TSR1: variants seen among roughly 807,000 people sequenced by gnomAD.
TSR1 encodes pre-rRNA-processing protein TSR1 homolog.
TSR1 carries 81 observed loss-of-function variants against 90.9 expected under a neutral mutation model. The observed-to-expected ratio is 0.89, with a 90% CI of 0.74 to 1.07. The LOEUF is 1.07. TSR1 is among the 50% of genes least tolerant of loss of function. The pLI is 0.00. For synonymous variants in TSR1, 362 were observed against 348.8 expected (o/e 1.04, Z -0.42); for missense variants, 989 against 987.3 (o/e 1.00, Z -0.02).
chr17:2,335,679 C>T lies in TSR1; in HGVS notation c.253G>A (p.Val85Ile). The T allele has an allele frequency of 2.5e-6, 4 of 1,614,066 alleles. No homozygotes were observed. Among genetic ancestry groups the T allele is most frequent in the Middle Eastern group, 1.7e-4 (1 of 5,980 alleles). Residue 85 changes from valine (V) to isoleucine (I), a missense_variant, in exon 3 of 15, where the codon GTA becomes ATA. Val to Ile is a conservative substitution (Grantham distance 29). Coordinates refer to ENST00000301364, the MANE Select transcript of TSR1 (RefSeq NM_018128.5). ...CTGCTGTGCAGGGGCACCACCAGTACCTGATGAGGAGGGCCATCCTTGCCA... is the reference window on the plus strand; with the variant it reads ...CTGCTGTGCAGGGGCACCACCAGTATCTGATGAGGAGGGCCATCCTTGCCA... Reference protein sequence around the residue: ...LGGKDGPPHQVLVVPLHSRIS... With the variant: ...LGGKDGPPHQILVVPLHSRIS...
chr17:2,330,139 G>C, intron 10 of TSR1: 1 of 412,758 alleles, frequency 2.4e-6, no homozygotes, highest in Non-Finnish European at 4.8e-6. Context: ...GGCTGGTCTC[G>C]AACTCCCGAC....
At position 2,333,424 on chromosome 17, in the gene TSR1, C is replaced by T. The variant is rs1567784771; in HGVS notation, c.1141+133G>A. ...ATGTTTGTTTATTGAAAACATACAGCATTTGAGGGTGAGGAGAGACTTTCA... is the reference window on the plus strand; with the variant it reads ...ATGTTTGTTTATTGAAAACATACAGTATTTGAGGGTGAGGAGAGACTTTCA... On this transcript the variant is annotated intron_variant, in intron 6 of 14. Coordinates refer to ENST00000301364, the MANE Select transcript of TSR1 (RefSeq NM_018128.5). 25 of 1,068,504 alleles carry T rather than the reference C, an allele frequency of 2.3e-5. 1 individual carries two copies. Among genetic ancestry groups the T allele is most frequent in the Non-Finnish European group, 3.0e-5 (21 of 703,680 alleles). 66.2% of individuals were successfully genotyped at this position (1,068,504 alleles called of 1,614,324 possible).
intron 8 of TSR1, 44 bp downstream of exon 8, chr17:2,332,125 C>T (rs910196154): frequency 1.2e-5 from 19 of 1,589,256 alleles, no homozygotes; most frequent in South Asian, 7.0e-5. Flanking sequence ...TTTTTAAAAA[C>T]GTATTGACTG....
At chr17:2,332,939 G>A in intron 7 of TSR1, 22 bp downstream of exon 7, 1 of 1,609,512 alleles carries the variant, frequency 6.2e-7, no homozygotes, top group Non-Finnish European at 8.5e-7. Context: ...CACAGAATTG[G>A]CCTAAGGCCT....
chr17:2,324,945 C>A, intron 12 of TSR1, 116 bp from the exon 13 acceptor site: 2 of 1,173,624 alleles, frequency 1.7e-6, no homozygotes, highest in Non-Finnish European at 2.3e-6. Flanking sequence ...TGCCCTAGCC[C>A]AATCTGAGGC....
At chr17:2,327,416 CA>C (rs770269783) in intron 11 of TSR1, among the ~76,000 whole-genome samples, 15,908 of 126,570 alleles carry the variant, frequency 0.13, 1,321 homozygotes, top group East Asian at 0.52. Context: ...GACTCTATAT[CA>C]AAAAAAAAAA....
rs762623277 is a variant in TSR1 at position 2,332,249 on chromosome 17, C to T, written c.1416G>A (p.Leu472=). ...KVDEEAEAKM[L]EKYKQERLEE... ...CCAGTCTTTCTTGTTTATATTTCTCCAACATTTTTGCCTCAGCTTCTTCAT... is the reference window on the plus strand; with the variant it reads ...CCAGTCTTTCTTGTTTATATTTCTCTAACATTTTTGCCTCAGCTTCTTCAT... Residue 472 remains leucine, a synonymous_variant, in exon 8 of 15, where the codon TTG becomes TTA. Transcript: ENST00000301364. The T allele has an allele frequency of 1.9e-6, 3 of 1,614,076 alleles. No homozygotes were observed. The highest frequency in any genetic ancestry group is 2.5e-6 in the Non-Finnish European group (3 of 1,180,014).
Position 2,324,219 on chromosome 17 carries a change from CTGT to C in TSR1, c.2389_2391del (p.Thr797del), listed in dbSNP as rs755563832. The C allele has an allele frequency of 2.0e-6, 3 of 1,525,580 alleles. No homozygotes were observed. The African/African-American group carries it at 4.2e-5, about 21-fold the overall frequency. 94.5% of individuals were successfully genotyped at this position (1,525,580 alleles called of 1,614,324 possible). A position where few individuals can be genotyped will look rare whatever the true frequency, so the allele number is the denominator to read the frequency against. On this transcript the variant is annotated inframe_deletion, in exon 15 of 15. Coordinates refer to ENST00000301364, the MANE Select transcript of TSR1 (RefSeq NM_018128.5). ...CATTACTCCATGCCCCCTTGAGGCA[CTGT>C]TGAAGAAATCTCACTTTTCAGCCAG... is the stretch of plus-strand genomic sequence containing the variant.
In TSR1 at chr17:2,334,613, C is replaced by G. The variant is rs1330977382; in HGVS notation, c.840G>C (p.Gly280=). 1 of 1,613,998 alleles carries G rather than the reference C, an allele frequency of 6.2e-7. No individual in the cohort carries two copies. The highest frequency in any genetic ancestry group is 8.5e-7 in the Non-Finnish European group (1 of 1,180,044). ...GCAACCTATTGACATTCAGAGTCTG[C>G]CCTCGAACATAGCCTGAAATTTTCA... ...GTLKISGYVR[G]QTLNVNRLLH... is the part of the protein sequence containing the mutation. Residue 280 remains glycine (G), a synonymous_variant, in exon 5 of 15, where the codon GGG becomes GGC. Coordinates refer to ENST00000301364, the MANE Select transcript of TSR1 (RefSeq NM_018128.5).
chr17:2,333,381 G>A, intron 6 of TSR1, 176 bp downstream of exon 6: 2 of 921,870 alleles, frequency 2.2e-6, no homozygotes, highest in South Asian at 1.4e-5. Context: ...TTTGAGAAAT[G>A]GAACAAGACT....
chr17:2,328,437 A>G (rs1372778160), intron 11 of TSR1, among the ~76,000 whole-genome samples: 2 of 151,740 alleles, frequency 1.3e-5, no homozygotes, highest in Non-Finnish European at 2.9e-5. Flanking sequence ...TACAAAAATT[A>G]GCTGGGCATG....
Position 2,332,329 on chromosome 17 carries a change from C to T in TSR1, c.1336G>A (p.Glu446Lys). 1 of 1,605,602 alleles carries T rather than the reference C, an allele frequency of 6.2e-7. No homozygotes were observed. Among genetic ancestry groups the T allele is most frequent in the East Asian group, 2.2e-5 (1 of 44,750 alleles). Residue 446 changes from glutamate to lysine, a missense_variant, in exon 8 of 15, where the codon GAA (glutamate) becomes AAA (lysine). Transcript: ENST00000301364. ...ACAGACTCCCCAATAGTCATAGTTT[C>T]ATATTCTTCCTCTTCTTCACTACTC... ...DESSEEEEEY[E>K]TMTIGESVHD... is the part of the protein sequence containing the mutation.
intron 11 of TSR1, among the ~76,000 whole-genome samples, chr17:2,327,086 C>A (rs2075579985): frequency 6.6e-6 from 1 of 151,200 alleles, no homozygotes; most frequent in African/African-American, 2.4e-5. Flanking sequence ...GCCTGGGCAA[C>A]AAGAGTGAAA....
At position 2,323,580 on chromosome 17, in the gene TSR1, A is replaced by G. The variant is rs2151438129; in HGVS notation, c.*616T>C. ...ATAAGAAAATTCAAACTGGACACGT[A>G]TTCTCATCTGAACTTTATAGGTAAA... On this transcript the variant is annotated 3_prime_UTR_variant, in exon 15 of 15. Transcript: ENST00000301364. The G allele has an allele frequency of 1.4e-6, 2 of 1,469,196 alleles. No individual in the cohort carries two copies. The highest frequency in any genetic ancestry group is 1.9e-6 in the Non-Finnish European group (2 of 1,054,192). The allele number at this position is 1,469,196 out of a possible 1,614,324, so 91.0% of individuals were successfully genotyped here. A position where few individuals can be genotyped will look rare whatever the true frequency, so the allele number is the denominator to read the frequency against.
rs2064084736 is a variant in TSR1, at chr17:2,336,412, G to T, written c.16C>A (p.Pro6Thr). MAAHR[P>T]GPLKQQNKAH... ...TTATTCTGCTGCTTGAGCGGGCCGG[G>T]GCGGTGGGCCGCCATGCCGCAGCGC... is the stretch of plus-strand genomic sequence containing the variant. Residue 6 changes from proline to threonine, a missense_variant, in exon 1 of 15, where the codon CCC becomes ACC. Transcript: ENST00000301364. 6.2e-7 allele frequency: 1 copy of T among 1,611,598 alleles called. No homozygotes were observed. The highest frequency in any genetic ancestry group is 8.5e-7 in the Non-Finnish European group (1 of 1,179,974).
intron 10 of TSR1, 147 bp from the exon 11 acceptor site, chr17:2,329,622 C>T (rs1384733620): frequency 1.2e-5 from 12 of 985,922 alleles, no homozygotes; most frequent in East Asian, 2.6e-5. Flanking sequence ...TGCTGAAACA[C>T]GGGTTCATCC....
rs2075552425 is a variant in TSR1, at chr17:2,323,540, C to T, written c.*656G>A. On this transcript the variant is annotated 3_prime_UTR_variant, in exon 15 of 15. Coordinates refer to ENST00000301364, the MANE Select transcript of TSR1 (RefSeq NM_018128.5). ...AGAATTAAAGAAAAGCTTTGGGAAG[C>T]GTGTGTACACAGTGATAAGAAAATT... 2.5e-6 allele frequency: 3 copies of T among 1,221,474 alleles called. No individual in the cohort carries two copies. Among genetic ancestry groups the T allele is most frequent in the East Asian group, 2.4e-5 (1 of 42,058 alleles). The allele number at this position is 1,221,474 out of a possible 1,614,324, so 75.7% of individuals were successfully genotyped here.
At chr17:2,330,898 A>C (rs1555584134) in intron 9 of TSR1, 49 bp downstream of exon 9, 1 of 1,532,892 alleles carries the variant, frequency 6.5e-7, no homozygotes, top group Non-Finnish European at 8.7e-7. Flanking sequence ...AGTAGGGAGC[A>C]TGTTGACAAA....
chr17:2,325,133 G>A lies in TSR1; in HGVS notation c.2020+171C>T. On this transcript the variant is annotated intron_variant, in intron 12 of 14. Transcript: ENST00000301364. ...TGGCTATACACTGTTTCACGTAAAA[G>A]TTGGAGTTTTCATTGTTCTATTAAC... The A allele has an allele frequency of 6.5e-6, 4 of 616,308 alleles. No homozygotes were observed. The South Asian group carries it at 9.3e-5, about 14-fold the overall frequency. The allele number at this position is 616,308 out of a possible 1,614,324, so 38.2% of individuals were successfully genotyped here. A position where few individuals can be genotyped will look rare whatever the true frequency, so the allele number is the denominator to read the frequency against.
Sources: gnomAD v4.1 joint callset for allele counts (sites outside exome capture counted in the v4.1 genomes callset) on GRCh38, gnomAD v4.1.1 for gene constraint, MANE v1.5 for transcripts, NCBI Gene and HGNC (gene_info 2026-07-23, HGNC 2026-07-21) for gene names.